Variants in RYK observed in about 807,000 individuals in gnomAD.
RYK encodes inactive tyrosine-protein kinase RYK.
In RYK, 21 loss-of-function variants were observed where a neutral mutation model predicts 70.2. The observed-to-expected ratio is 0.30, with a 90% confidence interval of 0.21 to 0.43. The LOEUF (loss-of-function observed/expected upper bound fraction) is 0.43. RYK is among the 20% of genes least tolerant of loss of function. The pLI is 1.00. For synonymous variants in RYK, 267 were observed against 278.0 expected (o/e 0.96, Z 0.39); for missense variants, 604 against 753.3 (o/e 0.80, Z 2.32).
chr3:134,193,272 C>T (rs977333975), intron 7 of RYK, among the ~76,000 whole-genome samples: 13 of 152,010 alleles, frequency 8.6e-5, no homozygotes, highest in Non-Finnish European at 4.4e-5. Context: ...CAAGCTCCAC[C>T]TCCTGGGTTC....
intron 6 of RYK, among the ~76,000 whole-genome samples, chr3:134,195,564 G>A (rs1030329999): frequency 3.3e-5 from 5 of 152,302 alleles, no homozygotes; most frequent in Admixed American, 1.3e-4. Flanking sequence ...AAGAAAGACA[G>A]GCCTCTTTCA....
chr3:134,182,103 C>G (rs897292175), intron 10 of RYK, among the ~76,000 whole-genome samples: 1 of 149,972 alleles, frequency 6.7e-6, no homozygotes, highest in East Asian at 2.0e-4. Flanking sequence ...TGCAGTGAGC[C>G]AAGATCACAC....
intron 5 of RYK, among the ~76,000 whole-genome samples, chr3:134,204,531 TAA>T (rs2014139730): frequency 7.0e-6 from 1 of 143,820 alleles, no homozygotes; most frequent in Non-Finnish European, 1.5e-5. Flanking sequence ...AATATATAAA[TAA>T]GAGAGACAAA....
At chr3:134,189,668 G>A (rs974717647) in intron 8 of RYK, among the ~76,000 whole-genome samples, 23 of 149,326 alleles carry the variant, frequency 1.5e-4, no homozygotes, top group African/African-American at 4.9e-4. Flanking sequence ...GCATGAACCC[G>A]GGAGGTGGAG....
intron 1 of RYK, among the ~76,000 whole-genome samples, chr3:134,232,809 C>T (rs754266670): frequency 6.6e-6 from 1 of 152,142 alleles, no homozygotes; most frequent in African/African-American, 2.4e-5. Context: ...AAGATCATTC[C>T]AGTATAACAA....
chr3:134,228,163 T>C (rs947445982), intron 1 of RYK, among the ~76,000 whole-genome samples: 3 of 152,124 alleles, frequency 2.0e-5, no homozygotes, highest in Admixed American at 6.5e-5. Context: ...TGGTGGTGTA[T>C]GCCTGTAGTC....
chr3:134,239,534 T>G (rs912993658), intron 1 of RYK, among the ~76,000 whole-genome samples: 7 of 152,222 alleles, frequency 4.6e-5, no homozygotes, highest in Non-Finnish European at 1.0e-4. Context: ...TTAGTAAGTA[T>G]AGCTTCAGTC....
intron 1 of RYK, among the ~76,000 whole-genome samples, chr3:134,224,162 C>T (rs1332878170): frequency 1.3e-5 from 2 of 152,078 alleles, no homozygotes; most frequent in Non-Finnish European, 2.9e-5. Context: ...CCACTACCAC[C>T]AAGATGTGGA....
chr3:134,224,563 A>G (rs368070771), intron 1 of RYK, among the ~76,000 whole-genome samples: 2 of 152,150 alleles, frequency 1.3e-5, no homozygotes, highest in East Asian at 3.9e-4. Flanking sequence ...CAGGCCTTCC[A>G]CAAGAGGTGG....
intron 2 of RYK, among the ~76,000 whole-genome samples, chr3:134,213,929 G>A (rs139196915): frequency 0.012 from 1,896 of 152,106 alleles, 18 homozygotes; most frequent in Non-Finnish European, 0.019. Context: ...TCAGCCTCCC[G>A]AGTAGCTGGT....
rs998502556 is a variant in RYK, at chr3:134,157,855, GTTTATTTAT to G, written c.*289_*297del. 1 of 231,252 alleles carries G rather than the reference GTTTATTTAT, an allele frequency of 4.3e-6. No homozygotes were observed. Among genetic ancestry groups the G allele is most frequent in the Non-Finnish European group, 8.3e-6 (1 of 120,684 alleles). 14.3% of individuals were successfully genotyped at this position (231,252 alleles called of 1,614,324 possible). On this transcript the variant is annotated 3_prime_UTR_variant, in exon 15 of 15. Transcript: ENST00000623711. ...CTGTGTCTAAACAATTTTAAAAACT[GTTTATTTAT>G]TTTGTAAGAATGTACCCCTAGTCCA...
intron 13 of RYK, among the ~76,000 whole-genome samples, chr3:134,174,278 T>C (rs2013023775): frequency 6.6e-6 from 1 of 152,182 alleles, no homozygotes; most frequent in South Asian, 2.1e-4. Flanking sequence ...CGAGAGACTA[T>C]ATTTCTATTG....
At chr3:134,188,988 C>T in intron 8 of RYK, 65 bp from the exon 9 acceptor site, 3 of 939,998 alleles carry the variant, frequency 3.2e-6, no homozygotes, top group Non-Finnish European at 4.8e-6. Context: ...ACAAAACTTT[C>T]TGGCACAATA....
At chr3:134,192,086 A>C in intron 7 of RYK, 112 bp from the exon 8 acceptor site, 1 of 1,033,310 alleles carries the variant, frequency 9.7e-7, no homozygotes, top group Non-Finnish European at 1.4e-6. Flanking sequence ...GAGTGTAAGA[A>C]TCATAAAAGG....
intron 7 of RYK, among the ~76,000 whole-genome samples, chr3:134,194,249 GA>G (rs1409024923): frequency 6.6e-6 from 1 of 152,136 alleles, no homozygotes; most frequent in Admixed American, 6.5e-5. Context: ...GTATTCACTG[GA>G]GCCTTAGTCA....
chr3:134,179,648 G>C (rs1192573547), intron 10 of RYK: 1 of 152,156 alleles, frequency 6.6e-6, no homozygotes, highest in Non-Finnish European at 1.5e-5. Context: ...CTCTCCAGAG[G>C]AGCAAGGGAG....
intron 13 of RYK, among the ~76,000 whole-genome samples, chr3:134,163,226 T>C (rs1381132164): frequency 1.3e-5 from 2 of 152,184 alleles, no homozygotes; most frequent in Non-Finnish European, 2.9e-5. Context: ...AGTGATTAAT[T>C]ACATGTTGGC....
At chr3:134,250,401 C>A in intron 1 of RYK, 22 bp downstream of exon 1, 1 of 1,360,116 alleles carries the variant, frequency 7.4e-7, no homozygotes. Context: ...CTGCCCGCCC[C>A]GGCCTCGGCG....
chr3:134,248,844 C>T (rs2015537075), intron 1 of RYK, among the ~76,000 whole-genome samples: 1 of 151,950 alleles, frequency 6.6e-6, no homozygotes, highest in Non-Finnish European at 1.5e-5. Flanking sequence ...TTTAAAACCC[C>T]ACTTTCCTCA....
Sources: allele counts gnomAD v4.1 joint callset (sites outside exome capture counted in the v4.1 genomes callset), GRCh38; gene constraint gnomAD v4.1.1; transcripts MANE v1.5; gene names NCBI Gene and HGNC (gene_info 2026-07-23, HGNC 2026-07-21).